Variants in XPOT observed in about 807,000 individuals in gnomAD.
XPOT encodes exportin for tRNA, also known as exportin-T.
XPOT carries 34 observed loss-of-function variants against 128.2 expected under a neutral mutation model. That is an observed-to-expected ratio of 0.27 (90% CI 0.20 to 0.35). The LOEUF (loss-of-function observed/expected upper bound fraction) is 0.35, where lower values mean the gene tolerates loss of function less well. XPOT is among the 10% of genes least tolerant of loss of function. The pLI is 1.00. For synonymous variants in XPOT, 348 were observed against 394.3 expected (o/e 0.88, Z 1.39); for missense variants, 838 against 1,125.3 (o/e 0.74, Z 3.65).
At chr12:64,436,540 C>T (rs756602139) in intron 22 of XPOT, among the ~76,000 whole-genome samples, 9 of 152,118 alleles carry the variant, frequency 5.9e-5, no homozygotes, top group South Asian at 4.1e-4. Context: ...AGATAATAGG[C>T]GTGAGCCACT....
At chr12:64,426,965 A>G (rs1391965259) in intron 15 of XPOT, among the ~76,000 whole-genome samples, 1 of 152,048 alleles carries the variant, frequency 6.6e-6, no homozygotes, top group Non-Finnish European at 1.5e-5. Flanking sequence ...CCTGGGTGAC[A>G]AGAGTGAAAC....
At chr12:64,424,539 G>T (rs2040172233) in intron 11 of XPOT, 60 bp from the exon 12 acceptor site, 4 of 1,591,706 alleles carry the variant, frequency 2.5e-6, no homozygotes, top group Non-Finnish European at 2.6e-6. Flanking sequence ...TAGCCATGGT[G>T]GTTTGCTGCG....
chr12:64,435,555 G>A (rs995048721), intron 21 of XPOT, 72 bp from the exon 22 acceptor site: 9 of 1,298,910 alleles, frequency 6.9e-6, no homozygotes, highest in South Asian at 6.1e-5. Context: ...AGTGGCCAGG[G>A]TAGTAAAGAG....
intron 19 of XPOT, among the ~76,000 whole-genome samples, 154 bp downstream of exon 19, chr12:64,433,757 A>G (rs2040259036): frequency 6.6e-6 from 1 of 152,190 alleles, no homozygotes. Flanking sequence ...GGAATTGATC[A>G]CTTTTATGTA....
At chr12:64,409,696 C>T in intron 1 of XPOT, 1 of 215,346 alleles carries the variant, frequency 4.6e-6, no homozygotes, top group Non-Finnish European at 9.3e-6. Flanking sequence ...TACGGTGCCA[C>T]TGCACTCCAG....
intron 23 of XPOT, chr12:64,443,234 C>T (rs2040341002): frequency 6.6e-6 from 1 of 152,254 alleles, no homozygotes; most frequent in Non-Finnish European, 1.5e-5. Context: ...TGTTATAATT[C>T]ACTCTTATGA....
At position 64,449,349 on chromosome 12, in the gene XPOT, T is replaced by G. The variant is rs2040391659; in HGVS notation, c.*1218T>G. 6.6e-6 allele frequency: 1 copy of G among 152,202 alleles called. No homozygotes were observed. The highest frequency in any genetic ancestry group is 1.9e-4 in the East Asian group (1 of 5,200). 9.4% of individuals were successfully genotyped at this position (152,202 alleles called of 1,614,324 possible). A position where few individuals can be genotyped will look rare whatever the true frequency, so the allele number is the denominator to read the frequency against. Reference sequence around the variant, plus strand: ...TTATTAGAAGTACTTACCCCTGCCTTCCTCCATTTTTATTCATGGCTACTT... The same window carrying G: ...TTATTAGAAGTACTTACCCCTGCCTGCCTCCATTTTTATTCATGGCTACTT... On this transcript the variant is annotated 3_prime_UTR_variant, in exon 25 of 25. Coordinates refer to ENST00000332707, the MANE Select transcript of XPOT (RefSeq NM_007235.6).
Position 64,423,023 on chromosome 12 carries a change from C to T in XPOT, c.1099C>T (p.Gln367Ter), listed in dbSNP as rs1278611626. Residue 367 changes from glutamine to a stop codon, truncating the protein, a stop_gained, in exon 10 of 25, where the codon CAG becomes TAG. Transcript: ENST00000332707. LOFTEE classifies it high-confidence loss of function. Reference sequence around the variant, plus strand: ...TTAACAGCTTACAGTGCTCTCGGATCAGCAAAAAGCTAATGTAGAGGTAAT... The same window carrying T: ...TTAACAGCTTACAGTGCTCTCGGATTAGCAAAAAGCTAATGTAGAGGTAAT... ...ILKQLTVLSD[Q>*]QKANVEAIML... 1 of 1,613,114 alleles carries T rather than the reference C, an allele frequency of 6.2e-7. No individual in the cohort carries two copies. Among genetic ancestry groups the T allele is most frequent in the Admixed American group, 1.7e-5 (1 of 59,922 alleles).
intron 16 of XPOT, 143 bp from the exon 17 acceptor site, chr12:64,429,906 C>T: frequency 1.5e-6 from 1 of 684,572 alleles, no homozygotes; most frequent in Non-Finnish European, 2.3e-6. Context: ...ATTCTATGGT[C>T]CTGGGAGAAA....
rs947025205 is a variant in XPOT at position 64,427,031 on chromosome 12, T to C, written c.1668-1020T>C. On this transcript the variant is annotated intron_variant, in intron 15 of 24. Coordinates refer to ENST00000332707, the MANE Select transcript of XPOT (RefSeq NM_007235.6). ...AATAAAAAAAAAGTAGACATATAAA[T>C]TATTTTCCAAGAGCCTATGGTAGAT... is the stretch of plus-strand genomic sequence containing the variant. Among the ~76,000 whole-genome samples the C allele has an allele frequency of 2.0e-5, 3 of 151,572 alleles. No homozygotes were observed. In the East Asian group the frequency reaches 5.8e-4, roughly 29 times the overall value.
intron 18 of XPOT, among the ~76,000 whole-genome samples, chr12:64,432,067 T>C (rs755733163): frequency 3.3e-5 from 5 of 152,182 alleles, no homozygotes; most frequent in African/African-American, 7.2e-5. Context: ...AAAAGAAAAC[T>C]AGTCTGCTGT....
intron 12 of XPOT, 55 bp downstream of exon 12, chr12:64,424,778 A>G (rs1315476610): frequency 6.3e-7 from 1 of 1,589,966 alleles, no homozygotes; most frequent in African/African-American, 1.4e-5. Context: ...GCTCTTTGAT[A>G]TGGGTCAAAA....
chr12:64,413,032 AG>A (rs2040055131), intron 2 of XPOT, among the ~76,000 whole-genome samples: 1 of 152,178 alleles, frequency 6.6e-6, no homozygotes. Context: ...GAGTTTTTAT[AG>A]AGCTGAATCT....
At position 64,424,713 on chromosome 12, in the gene XPOT, T is replaced by C; in HGVS notation, c.1297T>C (p.Ser433Pro). ...GGCCTCTGTTCGCAGAGTTTTTAGT[T>C]CTACACTGCAGTAAGTTTGTCATTA... ...LLASVRRVFS[S>P]TLQNWQTTRF... The change falls in exon 12 of 25, where the codon TCT (serine) becomes CCT (proline). Residue 433 changes from serine to proline, a missense_variant. Physicochemically the swap from Ser to Pro is moderately conservative, Grantham distance 74. Transcript: ENST00000332707. 1.2e-6 allele frequency: 2 copies of C among 1,613,810 alleles called. No homozygotes were observed. The highest frequency in any genetic ancestry group is 1.7e-6 in the Non-Finnish European group (2 of 1,179,980).
At chr12:64,441,756 C>T (rs1333473662) in intron 23 of XPOT, among the ~76,000 whole-genome samples, 1 of 152,104 alleles carries the variant, frequency 6.6e-6, no homozygotes, top group African/African-American at 2.4e-5. Flanking sequence ...ACGATCTTGG[C>T]TCATTGCATG....
intron 2 of XPOT, among the ~76,000 whole-genome samples, chr12:64,413,034 AGCTGAATCTTGAGTCCCTTCT>A (rs2040055196): frequency 6.6e-6 from 1 of 152,092 alleles, no homozygotes. Flanking sequence ...GTTTTTATAG[AGCTGAATCTTGAGTCCCTTCT>A]CCCCTTCCCA....
Position 64,425,210 on chromosome 12 carries a change from A to G in XPOT, c.1452+28A>G, listed in dbSNP as rs756548132. 1.7e-5 allele frequency: 27 copies of G among 1,612,974 alleles called. No homozygotes were observed. The South Asian group carries it at 2.5e-4, about 15-fold the overall frequency. On this transcript the variant is annotated intron_variant, in intron 13 of 24. Transcript: ENST00000332707. ...AAGTATACTGGAGATAATTTTGACCATAAATTTCTGTTTTCAGTATAAGCT... is the reference window on the plus strand; with the variant it reads ...AAGTATACTGGAGATAATTTTGACCGTAAATTTCTGTTTTCAGTATAAGCT...
At chr12:64,417,068 C>T (rs756094928) in intron 4 of XPOT, among the ~76,000 whole-genome samples, 11 of 151,996 alleles carry the variant, frequency 7.2e-5, no homozygotes, top group Non-Finnish European at 1.3e-4. Context: ...AATACAGAAA[C>T]TAGTCAGATG....
At chr12:64,427,174 C>A in intron 15 of XPOT, among the ~76,000 whole-genome samples, 1 of 138,042 alleles carries the variant, frequency 7.2e-6, no homozygotes, top group African/African-American at 2.7e-5. Context: ...GGCTGGAGTA[C>A]AATGGCATGA....
Sources: gnomAD v4.1 joint callset for allele counts (sites outside exome capture counted in the v4.1 genomes callset) on GRCh38, gnomAD v4.1.1 for gene constraint, MANE v1.5 for transcripts, NCBI Gene and HGNC (gene_info 2026-07-23, HGNC 2026-07-21) for gene names.